The following DCLK2 variants were observed in gnomAD, a reference collection of about 807,000 sequenced individuals.
The protein encoded by DCLK2 is doublecortin like kinase 2.
DCLK2 carries 31 observed loss-of-function variants against 78.4 expected under a neutral mutation model. The observed-to-expected ratio is 0.40, with a 90% CI of 0.30 to 0.53. The LOEUF is 0.53. DCLK2 is among the 20% of genes least tolerant of loss of function. The pLI is 0.61. For synonymous variants in DCLK2, 407 were observed against 374.9 expected (o/e 1.09, Z -0.99); for missense variants, 872 against 973.7 (o/e 0.90, Z 1.39).
chr4:150,167,620 G>C (rs531567668), intron 2 of DCLK2, among the ~76,000 whole-genome samples: 1 of 152,264 alleles, frequency 6.6e-6, no homozygotes, highest in East Asian at 1.9e-4. Context: ...GCATGAGCAG[G>C]GCAAGAGATG....
intron 5 of DCLK2, among the ~76,000 whole-genome samples, chr4:150,218,288 G>A (rs925987691): frequency 8.5e-5 from 13 of 152,330 alleles, no homozygotes; most frequent in South Asian, 4.1e-4. Flanking sequence ...GATCAGGGTA[G>A]GGTGGGAGTG....
intron 2 of DCLK2, among the ~76,000 whole-genome samples, chr4:150,175,989 G>T (rs900665924): frequency 5.3e-5 from 8 of 152,182 alleles, no homozygotes; most frequent in Middle Eastern, 3.2e-3. Flanking sequence ...TTTAAATCGT[G>T]TAAGTTGCCC....
chr4:150,081,321 G>A (rs1305540930), intron 1 of DCLK2, among the ~76,000 whole-genome samples: 6 of 152,128 alleles, frequency 3.9e-5, no homozygotes, highest in South Asian at 2.1e-4. Context: ...TATAGATTGC[G>A]TCTTTTACCG....
intron 3 of DCLK2, among the ~76,000 whole-genome samples, chr4:150,197,525 G>A (rs1012726861): frequency 1.3e-5 from 2 of 152,014 alleles, no homozygotes; most frequent in African/African-American, 2.4e-5. Flanking sequence ...AGGCTGAGGC[G>A]GGTGTACCGC....
chr4:150,211,809 C>G (rs902128401), intron 5 of DCLK2, among the ~76,000 whole-genome samples: 1 of 152,112 alleles, frequency 6.6e-6, no homozygotes, highest in African/African-American at 2.4e-5. Flanking sequence ...CTGCTTGACC[C>G]CAACCTATGA....
intron 2 of DCLK2, among the ~76,000 whole-genome samples, chr4:150,121,024 CTG>C (rs1420132831): frequency 6.6e-6 from 1 of 152,000 alleles, no homozygotes; most frequent in Non-Finnish European, 1.5e-5. Flanking sequence ...TGAACCGAGA[CTG>C]CGCTATTGCA....
chr4:150,100,501 C>T (rs1417006736), intron 1 of DCLK2, among the ~76,000 whole-genome samples: 1 of 152,070 alleles, frequency 6.6e-6, no homozygotes, highest in Non-Finnish European at 1.5e-5. Context: ...CAGGCTTTCC[C>T]CCAGCTGACT....
chr4:150,186,723 G>GAACA (rs1560846908), intron 2 of DCLK2, among the ~76,000 whole-genome samples: 1 of 152,246 alleles, frequency 6.6e-6, no homozygotes, highest in South Asian at 2.1e-4. Flanking sequence ...CCACTACTAG[G>GAACA]AACAGTTAAA....
At chr4:150,181,002 A>T (rs1310005398) in intron 2 of DCLK2, among the ~76,000 whole-genome samples, 2 of 152,108 alleles carry the variant, frequency 1.3e-5, no homozygotes, top group East Asian at 3.9e-4. Flanking sequence ...CTGGACAGAC[A>T]GGCATTGCTG....
At chr4:150,108,559 AT>A (rs1731436050) in intron 2 of DCLK2, among the ~76,000 whole-genome samples, 1 of 151,938 alleles carries the variant, frequency 6.6e-6, no homozygotes, top group Admixed American at 6.5e-5. Context: ...AATTAAAAAA[AT>A]AAATAAAATA....
At chr4:150,174,218 G>C (rs918238012) in intron 2 of DCLK2, among the ~76,000 whole-genome samples, 5 of 152,134 alleles carry the variant, frequency 3.3e-5, no homozygotes, top group African/African-American at 1.2e-4. Context: ...TTTGATGTAC[G>C]TAGCACTTCC....
chr4:150,102,448 A>G (rs773663723), intron 1 of DCLK2, 30 bp from the exon 2 acceptor site: 1 of 1,596,012 alleles, frequency 6.3e-7, no homozygotes, highest in Admixed American at 1.7e-5. Context: ...AGAGATAATC[A>G]TGCTAATAAA....
chr4:150,106,995 T>A (rs1370465442), intron 2 of DCLK2, among the ~76,000 whole-genome samples: 1 of 152,228 alleles, frequency 6.6e-6, no homozygotes, highest in Non-Finnish European at 1.5e-5. Flanking sequence ...GACAGTTTTG[T>A]CCCTAGGGCA....
At chr4:150,132,906 G>C (rs1399785591) in intron 2 of DCLK2, among the ~76,000 whole-genome samples, 3 of 152,228 alleles carry the variant, frequency 2.0e-5, no homozygotes, top group Non-Finnish European at 2.9e-5. Flanking sequence ...GAGATTACAG[G>C]GATAAGCCAC....
chr4:150,150,980 T>C (rs1734850305), intron 2 of DCLK2, among the ~76,000 whole-genome samples: 1 of 152,262 alleles, frequency 6.6e-6, no homozygotes, highest in Admixed American at 6.5e-5. Context: ...AGCTGGCACC[T>C]GCTCTTGCAG....
At chr4:150,089,061 CAT>C (rs1338621066) in intron 1 of DCLK2, among the ~76,000 whole-genome samples, 1 of 152,188 alleles carries the variant, frequency 6.6e-6, no homozygotes, top group African/African-American at 2.4e-5. Flanking sequence ...GCATGATACT[CAT>C]AGGGTAATGC....
intron 5 of DCLK2, among the ~76,000 whole-genome samples, chr4:150,216,620 C>T (rs1183903809): frequency 1.3e-5 from 2 of 152,028 alleles, no homozygotes; most frequent in African/African-American, 4.8e-5. Context: ...GCCTGGGTGA[C>T]AAAGTGAGAC....
chr4:150,204,452 AT>A (rs1739690477), intron 5 of DCLK2, among the ~76,000 whole-genome samples: 1 of 152,232 alleles, frequency 6.6e-6, no homozygotes, highest in Non-Finnish European at 1.5e-5. Context: ...TTAGCAGTTG[AT>A]TTAATAGACA....
intron 2 of DCLK2, among the ~76,000 whole-genome samples, chr4:150,172,607 CAAAAAA>C (rs34267089): frequency 1.4e-5 from 1 of 70,152 alleles, no homozygotes; most frequent in African/African-American, 5.5e-5. Flanking sequence ...GACTCCGTCT[CAAAAAA>C]AAAAAAAAAA....
Sources: allele counts gnomAD v4.1 joint callset (sites outside exome capture counted in the v4.1 genomes callset), GRCh38; gene constraint gnomAD v4.1.1; transcripts MANE v1.5; gene names NCBI Gene and HGNC (gene_info 2026-07-23, HGNC 2026-07-21).